Variants in THSD4 observed in about 807,000 individuals in gnomAD.
THSD4 encodes the protein thrombospondin type-1 domain-containing protein 4.
THSD4 carries 69 observed loss-of-function variants against 119.0 expected under a neutral mutation model. The ratio of observed to expected loss-of-function variants is 0.58; its 90% confidence interval spans 0.48 to 0.71. The LOEUF is 0.71. Ranked by LOEUF, THSD4 falls within the 30% of genes least tolerant of loss-of-function variation. The pLI is 0.00. For missense variants in THSD4, 1,393 were observed against 1,391.1 expected (o/e 1.00, Z -0.02); for synonymous variants, 524 against 540.4 (o/e 0.97, Z 0.42).
chr15:71,212,137 T>C (rs908121751), intron 3 of THSD4, among the ~76,000 whole-genome samples: 1 of 152,198 alleles, frequency 6.6e-6, no homozygotes, highest in African/African-American at 2.4e-5. Flanking sequence ...TTTTCTTTGA[T>C]TGGCTTTTTC....
intron 6 of THSD4, among the ~76,000 whole-genome samples, chr15:71,281,594 A>G (rs2044654118): frequency 6.6e-6 from 1 of 152,256 alleles, no homozygotes; most frequent in Non-Finnish European, 1.5e-5. Context: ...TTAAATATTT[A>G]CTGCACATTT....
intron 8 of THSD4, among the ~76,000 whole-genome samples, chr15:71,696,079 T>C (rs947143556): frequency 9.2e-5 from 14 of 152,212 alleles, no homozygotes; most frequent in African/African-American, 3.4e-4. Context: ...AGTATCTAAT[T>C]TGTTGAAAAT....
intron 3 of THSD4, among the ~76,000 whole-genome samples, chr15:71,169,247 C>A (rs1199412679): frequency 2.0e-5 from 3 of 152,176 alleles, no homozygotes; most frequent in Admixed American, 1.3e-4. Flanking sequence ...CTCAGTGTGA[C>A]ACTACCAGAA....
At chr15:71,505,790 C>T (rs1259106634) in intron 7 of THSD4, among the ~76,000 whole-genome samples, 2 of 152,134 alleles carry the variant, frequency 1.3e-5, no homozygotes, top group Non-Finnish European at 1.5e-5. Context: ...AAGCTCTTGG[C>T]GATACCCATG....
chr15:71,568,962 A>G (rs572609552), intron 7 of THSD4, among the ~76,000 whole-genome samples: 1 of 152,216 alleles, frequency 6.6e-6, no homozygotes. Flanking sequence ...TATAGAGTAT[A>G]TGACAAATTT....
chr15:71,564,804 T>G (rs1355835831), intron 7 of THSD4, among the ~76,000 whole-genome samples: 1 of 35,406 alleles, frequency 2.8e-5, no homozygotes, highest in Non-Finnish European at 8.6e-5. Context: ...ACAATATATA[T>G]TGTATATTAT....
chr15:71,457,015 T>G (rs934974487), intron 7 of THSD4, among the ~76,000 whole-genome samples: 4 of 152,172 alleles, frequency 2.6e-5, no homozygotes, highest in Non-Finnish European at 4.4e-5. Flanking sequence ...AGAGAACTTG[T>G]GAACTTTGTC....
At chr15:71,097,687 T>C (rs2040236679) in intron 1 of THSD4, among the ~76,000 whole-genome samples, 1 of 148,352 alleles carries the variant, frequency 6.7e-6, no homozygotes, top group African/African-American at 2.5e-5. Flanking sequence ...TACATTTTGC[T>C]TTCATAGGTC....
chr15:71,643,282 GTGTTT>G (rs1446606042), intron 7 of THSD4, among the ~76,000 whole-genome samples: 2 of 152,040 alleles, frequency 1.3e-5, no homozygotes, highest in Non-Finnish European at 2.9e-5. Context: ...AACCACTAAT[GTGTTT>G]TGTTAGCATA....
intron 7 of THSD4, among the ~76,000 whole-genome samples, chr15:71,608,426 T>G (rs2050159438): frequency 6.6e-6 from 1 of 152,132 alleles, no homozygotes; most frequent in Non-Finnish European, 1.5e-5. Flanking sequence ...TTTCCCACAT[T>G]ATTACAAATT....
intron 7 of THSD4, among the ~76,000 whole-genome samples, chr15:71,541,462 A>G (rs1416876263): frequency 2.6e-5 from 4 of 152,212 alleles, no homozygotes; most frequent in Non-Finnish European, 5.9e-5. Context: ...CCTAGAGGTA[A>G]CCATTGTTGG....
intron 6 of THSD4, among the ~76,000 whole-genome samples, chr15:71,336,098 C>A (rs1414275230): frequency 6.6e-6 from 1 of 152,228 alleles, no homozygotes; most frequent in Non-Finnish European, 1.5e-5. Flanking sequence ...TGGAGGCCAT[C>A]CCCTGCTCAG....
chr15:71,483,065 G>T (rs1390806359), intron 7 of THSD4, among the ~76,000 whole-genome samples: 1 of 152,048 alleles, frequency 6.6e-6, no homozygotes, highest in Non-Finnish European at 1.5e-5. Context: ...TTGAGAATAG[G>T]TATTAAGATT....
At chr15:71,486,740 G>A (rs977427326) in intron 7 of THSD4, among the ~76,000 whole-genome samples, 1 of 150,378 alleles carries the variant, frequency 6.6e-6, no homozygotes, top group Non-Finnish European at 1.5e-5. Context: ...GAATTTCTTT[G>A]TTGTGAATGC....
chr15:71,623,328 A>G (rs934343293), intron 7 of THSD4, among the ~76,000 whole-genome samples: 1 of 152,228 alleles, frequency 6.6e-6, no homozygotes, highest in Non-Finnish European at 1.5e-5. Flanking sequence ...AATGCTTTAC[A>G]TAGATTATAC....
intron 7 of THSD4, among the ~76,000 whole-genome samples, chr15:71,491,681 G>A (rs1364822435): frequency 1.3e-5 from 2 of 150,894 alleles, no homozygotes; most frequent in East Asian, 4.0e-4. Context: ...GGCCAGCCTA[G>A]GCAAATAGGG....
At chr15:71,313,071 T>C (rs2045134527) in intron 6 of THSD4, among the ~76,000 whole-genome samples, 3 of 152,240 alleles carry the variant, frequency 2.0e-5, no homozygotes, top group Non-Finnish European at 2.9e-5. Context: ...TGAGTAGATG[T>C]ATGATAAAAT....
intron 7 of THSD4, among the ~76,000 whole-genome samples, chr15:71,602,645 G>C (rs72740630): frequency 0.078 from 11,691 of 149,318 alleles, 500 homozygotes; most frequent in South Asian, 0.12. Flanking sequence ...GTTCAGTTTA[G>C]AGACCACTAA....
intron 7 of THSD4, among the ~76,000 whole-genome samples, chr15:71,620,221 T>A (rs1194662714): frequency 2.6e-5 from 4 of 152,102 alleles, no homozygotes; most frequent in Non-Finnish European, 5.9e-5. Flanking sequence ...ATCCAAAAAA[T>A]TGAGTTGTTA....
Sources: allele counts gnomAD v4.1 joint callset (sites outside exome capture counted in the v4.1 genomes callset), GRCh38; gene constraint gnomAD v4.1.1; transcripts MANE v1.5; gene names NCBI Gene and HGNC (gene_info 2026-07-23, HGNC 2026-07-21).